TMEM132D: variants seen among roughly 807,000 people sequenced by gnomAD.
TMEM132D encodes mature OL transmembrane protein.
A neutral mutation model predicts 62.3 loss-of-function variants in TMEM132D; 21 were observed. The ratio of observed to expected loss-of-function variants is 0.34; its 90% CI spans 0.24 to 0.49. TMEM132D has a LOEUF of 0.49. TMEM132D is among the 20% of genes least tolerant of loss of function. TMEM132D has a pLI of 0.99. For missense variants in TMEM132D, 1,346 were observed against 1,402.8 expected (o/e 0.96, Z 0.65); for synonymous variants, 621 against 575.6 (o/e 1.08, Z -1.13).
intron 1 of TMEM132D, among the ~76,000 whole-genome samples, chr12:129,716,943 T>C (rs1868602299): frequency 6.6e-6 from 1 of 152,188 alleles, no homozygotes; most frequent in African/African-American, 2.4e-5. Flanking sequence ...TTAGCGTCTG[T>C]AGGTAGAAAT....
At chr12:129,727,336 G>C (rs1200831905) in intron 1 of TMEM132D, among the ~76,000 whole-genome samples, 4 of 152,172 alleles carry the variant, frequency 2.6e-5, no homozygotes, top group Admixed American at 2.6e-4. Context: ...AGAGCACCAA[G>C]GTGGAGAGAA....
chr12:129,421,772 A>AT (rs1287538772), intron 3 of TMEM132D, among the ~76,000 whole-genome samples: 3 of 152,142 alleles, frequency 2.0e-5, no homozygotes, highest in Admixed American at 1.3e-4. Flanking sequence ...CATAGCAAAC[A>AT]TTTTTCTTCA....
At chr12:129,508,734 TA>T (rs1269077652) in intron 3 of TMEM132D, among the ~76,000 whole-genome samples, 1 of 144,258 alleles carries the variant, frequency 6.9e-6, no homozygotes, top group Non-Finnish European at 1.5e-5. Flanking sequence ...CTGAATAAAC[TA>T]AGAGTCTCAA....
intron 3 of TMEM132D, among the ~76,000 whole-genome samples, chr12:129,526,879 TGAA>T (rs1876061268): frequency 6.6e-6 from 1 of 152,202 alleles, no homozygotes; most frequent in Admixed American, 6.5e-5. Flanking sequence ...CACATGGTGT[TGAA>T]GAAAGAAAGG....
chr12:129,322,922 A>G (rs370517715), intron 4 of TMEM132D, among the ~76,000 whole-genome samples: 1 of 152,146 alleles, frequency 6.6e-6, no homozygotes, highest in Non-Finnish European at 1.5e-5. Flanking sequence ...TTGCTTTTCC[A>G]TATGTTGTCT....
At chr12:129,244,597 G>GT in intron 4 of TMEM132D, among the ~76,000 whole-genome samples, 1 of 151,528 alleles carries the variant, frequency 6.6e-6, no homozygotes, top group African/African-American at 2.4e-5. Flanking sequence ...AAGTGGTGGT[G>GT]TTTTTTTATG....
chr12:129,136,003 T>G (rs1005039707), intron 5 of TMEM132D, among the ~76,000 whole-genome samples: 20 of 152,160 alleles, frequency 1.3e-4, no homozygotes, highest in African/African-American at 4.6e-4. Flanking sequence ...AAAGTACCTG[T>G]GATTAGGACT....
chr12:129,547,023 T>C (rs1172645948), intron 2 of TMEM132D, among the ~76,000 whole-genome samples: 2 of 152,128 alleles, frequency 1.3e-5, no homozygotes, highest in Admixed American at 1.3e-4. Context: ...AGAAATTGAT[T>C]TTCTCACAGT....
At chr12:129,179,823 T>C (rs371583706) in intron 5 of TMEM132D, among the ~76,000 whole-genome samples, 3 of 151,118 alleles carry the variant, frequency 2.0e-5, no homozygotes, top group Non-Finnish European at 2.9e-5. Context: ...AGGCTGGGAG[T>C]TCGAGATCAG....
chr12:129,692,854 G>A (rs1315822820), intron 2 of TMEM132D, among the ~76,000 whole-genome samples: 2 of 152,000 alleles, frequency 1.3e-5, no homozygotes, highest in African/African-American at 4.8e-5. Flanking sequence ...TCGGGGGAGG[G>A]CAGTGGGGGG....
intron 3 of TMEM132D, among the ~76,000 whole-genome samples, chr12:129,526,045 A>T (rs749586332): frequency 6.6e-5 from 10 of 152,190 alleles, no homozygotes; most frequent in African/African-American, 1.2e-4. Flanking sequence ...CTGGAAAATT[A>T]ACAAGCATTT....
intron 3 of TMEM132D, among the ~76,000 whole-genome samples, chr12:129,421,563 C>CCTA (rs1872325519): frequency 1.3e-5 from 2 of 152,150 alleles, no homozygotes; most frequent in Non-Finnish European, 2.9e-5. Context: ...ACAAGAACTA[C>CCTA]CTATTTCAAA....
intron 4 of TMEM132D, among the ~76,000 whole-genome samples, chr12:129,241,314 G>A (rs1028226521): frequency 2.0e-5 from 3 of 152,016 alleles, no homozygotes; most frequent in Admixed American, 1.3e-4. Flanking sequence ...ACAATGCAAC[G>A]GCATAAAACA....
intron 1 of TMEM132D, among the ~76,000 whole-genome samples, chr12:129,819,231 C>CCA (rs1221518020): frequency 6.6e-6 from 1 of 151,794 alleles, no homozygotes; most frequent in African/African-American, 2.4e-5. Context: ...CTACCTACCC[C>CCA]ACAGTGCCAA....
chr12:129,202,339 A>G (rs567689220), intron 5 of TMEM132D, among the ~76,000 whole-genome samples: 33 of 152,326 alleles, frequency 2.2e-4, no homozygotes, highest in Non-Finnish European at 4.6e-4. Context: ...CATCACACGT[A>G]CCAGGTGACT....
At chr12:129,159,199 C>A (rs778422132) in intron 5 of TMEM132D, among the ~76,000 whole-genome samples, 1 of 152,022 alleles carries the variant, frequency 6.6e-6, no homozygotes, top group African/African-American at 2.4e-5. Context: ...GTTCTGTTAC[C>A]CTGGGAAGTG....
chr12:129,760,830 A>G (rs1870350571), intron 1 of TMEM132D, among the ~76,000 whole-genome samples: 1 of 151,798 alleles, frequency 6.6e-6, no homozygotes, highest in African/African-American at 2.4e-5. Context: ...AACCCCCAAC[A>G]GGCCCCGTGT....
At chr12:129,890,079 G>A (rs542909215) in intron 1 of TMEM132D, among the ~76,000 whole-genome samples, 27 of 152,172 alleles carry the variant, frequency 1.8e-4, no homozygotes, top group African/African-American at 4.6e-4. Context: ...TGAGTATGAT[G>A]AGTATGAAGA....
chr12:129,398,504 G>A (rs1871498982), intron 3 of TMEM132D, among the ~76,000 whole-genome samples: 2 of 152,162 alleles, frequency 1.3e-5, no homozygotes, highest in African/African-American at 4.8e-5. Flanking sequence ...GCAGTACCAG[G>A]AAACTTGTTC....
Sources: allele counts gnomAD v4.1 joint callset (sites outside exome capture counted in the v4.1 genomes callset), GRCh38; gene constraint gnomAD v4.1.1; transcripts MANE v1.5; gene names NCBI Gene and HGNC (gene_info 2026-07-23, HGNC 2026-07-21).